Variants in KIF13A observed in about 807,000 individuals in gnomAD.
The protein encoded by KIF13A is kinesin family member 13A, also known as kinesin-like protein KIF13A.
Under a neutral mutation model 212.2 loss-of-function variants are expected in KIF13A, and 79 were observed. The observed-to-expected ratio is 0.37, with a 90% CI of 0.31 to 0.45. The LOEUF (loss-of-function observed/expected upper bound fraction) is 0.45. Among genes scored for constraint, KIF13A ranks in the 20% least tolerant of loss-of-function variants. The probability of loss-of-function intolerance (pLI) is 1.00; values close to 1 mark genes in which losing one functional copy is unlikely to be tolerated. For synonymous variants in KIF13A, 789 were observed against 808.6 expected, an observed-to-expected ratio of 0.98 and a Z score of 0.41; for missense variants, 1,901 against 2,209.0, an observed-to-expected ratio of 0.86 and a Z score of 2.79.
intron 2 of KIF13A, among the ~76,000 whole-genome samples, chr6:17,985,164 A>T (rs1257845688): frequency 6.6e-6 from 1 of 152,226 alleles, no homozygotes; most frequent in Non-Finnish European, 1.5e-5. Flanking sequence ...TCTGCTATTC[A>T]AAGAATTAGA....
rs1201075325 is a variant in KIF13A, at chr6:17,794,901, T to A, written c.2943-197A>T. 1 of 556,918 alleles carries A rather than the reference T, an allele frequency of 1.8e-6. No individual in the cohort carries two copies. Among genetic ancestry groups the A allele is most frequent in the Non-Finnish European group, 3.1e-6 (1 of 324,470 alleles). The allele number at this position is 556,918 out of a possible 1,614,324, so 34.5% of individuals were successfully genotyped here. A position where few individuals can be genotyped will look rare whatever the true frequency, so the allele number is the denominator to read the frequency against. On this transcript the variant is annotated intron_variant, in intron 23 of 38. Transcript: ENST00000259711. The surrounding 1 kb of genome is among the most constrained non-coding windows in gnomAD (Gnocchi z 4.1). ...TTTTATTTATTTTACTGAGGTAGAC[T>A]GAAATGTCCACATCTTGAGTATAGA...
chr6:17,902,062 A>C (rs1369918308), intron 2 of KIF13A, among the ~76,000 whole-genome samples: 1 of 152,192 alleles, frequency 6.6e-6, no homozygotes, highest in Non-Finnish European at 1.5e-5. Flanking sequence ...TCAAGTACAG[A>C]CTACTGTTGA....
rs1777865909 is a variant in KIF13A at position 17,951,782 on chromosome 6, T to C, written c.146+35272A>G. On this transcript the variant is annotated intron_variant, in intron 2 of 38. Transcript: ENST00000259711. This position sits in a 1 kb window ranked among gnomAD's most constrained non-coding sequence, Gnocchi z 4.9. Reference sequence around the variant, plus strand: ...TTACAAAAAGTTCATCAATGTTATATATGGCATGTCACCACTTTAATCCAT... The same window carrying C: ...TTACAAAAAGTTCATCAATGTTATACATGGCATGTCACCACTTTAATCCAT... 6.6e-6 allele frequency among the ~76,000 whole-genome samples: 1 copy of C among 152,230 alleles called. No homozygotes were observed. Among genetic ancestry groups the C allele is most frequent in the South Asian group, 2.1e-4 (1 of 4,836 alleles).
chr6:17,976,184 C>T (rs994796031), intron 2 of KIF13A, among the ~76,000 whole-genome samples: 4 of 152,234 alleles, frequency 2.6e-5, no homozygotes, highest in South Asian at 2.1e-4. Flanking sequence ...ACTCTCACGC[C>T]GGCACTCCTC....
At chr6:17,808,327 A>G (rs1206191190) in intron 18 of KIF13A, among the ~76,000 whole-genome samples, 2 of 152,234 alleles carry the variant, frequency 1.3e-5, no homozygotes, top group Non-Finnish European at 2.9e-5. Flanking sequence ...CGGAGATTGC[A>G]GTGAGCTGAG....
intron 3 of KIF13A, among the ~76,000 whole-genome samples, chr6:17,893,832 CTTTTTTT>C (rs139288852): frequency 2.6e-5 from 2 of 77,328 alleles, no homozygotes; most frequent in African/African-American, 9.1e-5. Flanking sequence ...TTTCCTGCAT[CTTTTTTT>C]TTTTTTTTTT....
At chr6:17,841,882 G>C (rs1766539490) in intron 9 of KIF13A, among the ~76,000 whole-genome samples, 1 of 151,884 alleles carries the variant, frequency 6.6e-6, no homozygotes, top group Non-Finnish European at 1.5e-5. Context: ...CCCAAAACCT[G>C]TTAGAAAGTT....
At position 17,764,244 on chromosome 6, in the gene KIF13A, T is replaced by C; in HGVS notation, c.5284A>G (p.Arg1762Gly). ...CCGCCTGTTTTATTTGGTAGACTCC[T>C]CCTACTGGAAAGCTCTCCAGCAGAA... is the stretch of plus-strand genomic sequence containing the variant. ...DSSAGELSSR[R>G]SLPNKTGGKT... Residue 1762 changes from arginine to glycine, a missense_variant, in exon 39 of 39, where the codon AGG (arginine) becomes GGG (glycine). Coordinates refer to ENST00000259711, the MANE Select transcript of KIF13A (RefSeq NM_022113.6). The surrounding 1 kb of genome is among the most constrained non-coding windows in gnomAD (Gnocchi z 5.1). 6.2e-7 allele frequency: 1 copy of C among 1,614,000 alleles called. No homozygotes were observed. Among genetic ancestry groups the C allele is most frequent in the Non-Finnish European group, 8.5e-7 (1 of 1,179,884 alleles).
At position 17,947,188 on chromosome 6, in the gene KIF13A, C is replaced by G. The variant is rs544372754; in HGVS notation, c.146+39866G>C. ...AAAATTCAGGATAGTCATTTCCTTT[C>G]ACAGGTACAATGGGAAGGAGTGGAA... On this transcript the variant is annotated intron_variant, in intron 2 of 38. Transcript: ENST00000259711. This position sits in a 1 kb window ranked among gnomAD's most constrained non-coding sequence, Gnocchi z 4.6. Among the ~76,000 whole-genome samples, 3 of 152,092 alleles carry G rather than the reference C, an allele frequency of 2.0e-5. No homozygotes were observed. Among genetic ancestry groups the G allele is most frequent in the African/African-American group, 7.2e-5 (3 of 41,486 alleles).
intron 4 of KIF13A, among the ~76,000 whole-genome samples, chr6:17,866,692 C>T (rs1374130562): frequency 6.6e-6 from 1 of 151,468 alleles, no homozygotes; most frequent in Non-Finnish European, 1.5e-5. Context: ...CCCCTCTAAA[C>T]ACAAGTTAAA....
chr6:17,977,083 C>T (rs1230943389), intron 2 of KIF13A, among the ~76,000 whole-genome samples: 1 of 132,410 alleles, frequency 7.6e-6, no homozygotes, highest in Non-Finnish European at 1.5e-5. Context: ...GCCTGGGAAA[C>T]AGAGCGAGAC....
chr6:17,975,646 G>A (rs1780352171), intron 2 of KIF13A, among the ~76,000 whole-genome samples: 1 of 152,212 alleles, frequency 6.6e-6, no homozygotes, highest in Non-Finnish European at 1.5e-5. Context: ...CCCGCATCCT[G>A]CTGATTGGTA....
At chr6:17,917,179 G>A (rs938989181) in intron 2 of KIF13A, among the ~76,000 whole-genome samples, 2 of 151,512 alleles carry the variant, frequency 1.3e-5, no homozygotes, top group East Asian at 3.9e-4. Context: ...CTACGGGAAG[G>A]AGGAAAACGG....
chr6:17,761,083 A>G (rs1758562870), downstream of KIF13A, among the ~76,000 whole-genome samples: 1 of 152,218 alleles, frequency 6.6e-6, no homozygotes, highest in Admixed American at 6.5e-5. Flanking sequence ...AAGTAATGAC[A>G]GCAACAACCA....
chr6:17,970,015 C>T (rs1456899578), intron 2 of KIF13A, among the ~76,000 whole-genome samples: 2 of 151,924 alleles, frequency 1.3e-5, no homozygotes, highest in South Asian at 2.1e-4. Flanking sequence ...CTCTGCCTCC[C>T]GGGTTCACGC....
At position 17,817,157 on chromosome 6, in the gene KIF13A, C is replaced by T. The variant is rs776078421; in HGVS notation, c.1863G>A (p.Arg621=). The change falls in exon 17 of 39, where the codon CGG becomes CGA. Residue 621 remains arginine, a synonymous_variant. Coordinates refer to ENST00000259711, the MANE Select transcript of KIF13A (RefSeq NM_022113.6). The stretch of plus-strand genomic sequence containing the variant: ...GCTCCAGTTCCCGCTCATACATGAG[C>T]CGCTGCTCCTCTAGGGCACTTCTCT... ...EEKRSALEEQ[R]LMYERELEQL... 3 of 1,613,948 alleles carry T rather than the reference C, an allele frequency of 1.9e-6. No homozygotes were observed. The highest frequency in any genetic ancestry group is 1.7e-5 in the Admixed American group (1 of 60,014).
chr6:17,917,926 G>C (rs1454092811), intron 2 of KIF13A, among the ~76,000 whole-genome samples: 1 of 151,956 alleles, frequency 6.6e-6, no homozygotes, highest in East Asian at 1.9e-4. Context: ...GAGGCTTCAA[G>C]CTACTGCCCC....
chr6:17,978,229 A>C (rs530202545), intron 2 of KIF13A, among the ~76,000 whole-genome samples: 15 of 152,238 alleles, frequency 9.9e-5, no homozygotes, highest in Non-Finnish European at 2.1e-4. Context: ...TTCACAAATA[A>C]AATTTTACAA....
chr6:17,970,885 C>CA (rs1225087254), intron 2 of KIF13A, among the ~76,000 whole-genome samples: 17 of 152,190 alleles, frequency 1.1e-4, no homozygotes, highest in African/African-American at 3.9e-4. Flanking sequence ...TTATACTCAA[C>CA]AGGTATCTAT....
Sources: gnomAD v4.1 joint callset for allele counts (sites outside exome capture counted in the v4.1 genomes callset) on GRCh38, gnomAD v4.1.1 for gene constraint, Gnocchi (gnomAD v3.1) non-coding constraint, MANE v1.5 for transcripts, NCBI Gene and HGNC (gene_info 2026-07-23, HGNC 2026-07-21) for gene names.